TMEM135: variants seen among roughly 807,000 people sequenced by gnomAD.
The protein encoded by TMEM135 is transmembrane protein 135.
A neutral mutation model predicts 60.3 loss-of-function variants in TMEM135; 30 were observed. The ratio of observed to expected loss-of-function variants is 0.50; its 90% CI spans 0.37 to 0.68. TMEM135 has a LOEUF of 0.68. Ranked by LOEUF, TMEM135 falls within the 30% of genes least tolerant of loss-of-function variation. TMEM135 has a pLI of 0.00. For missense variants in TMEM135, 468 were observed against 548.8 expected, an observed-to-expected ratio of 0.85 and a Z score of 1.47; for synonymous variants, 190 against 186.7, an observed-to-expected ratio of 1.02 and a Z score of -0.14.
chr11:87,090,734 C>G (rs1443071764), intron 3 of TMEM135, among the ~76,000 whole-genome samples: 1 of 151,988 alleles, frequency 6.6e-6, no homozygotes, highest in Admixed American at 6.6e-5. Flanking sequence ...GACTTTCTAC[C>G]TGAATTTTTA....
intron 1 of TMEM135, among the ~76,000 whole-genome samples, chr11:87,055,593 CTTT>C (rs879320737): frequency 2.1e-5 from 3 of 144,342 alleles, no homozygotes; most frequent in African/African-American, 2.5e-5. Flanking sequence ...AGTTAAGCAT[CTTT>C]TTTTTTTTTT....
intron 5 of TMEM135, among the ~76,000 whole-genome samples, chr11:87,170,824 G>A (rs116698684): frequency 0.019 from 2,828 of 152,168 alleles, 82 homozygotes; most frequent in East Asian, 0.071. Flanking sequence ...TGCTGTGCTG[G>A]GCGATCCACT....
chr11:87,277,068 G>A, intron 6 of TMEM135: 1 of 152,690 alleles, frequency 6.5e-6, no homozygotes, highest in East Asian at 1.9e-4. Context: ...ATAAAATTTT[G>A]AAGGTTTCAA....
chr11:87,055,703 G>T (rs1194168052), intron 1 of TMEM135, among the ~76,000 whole-genome samples: 3 of 151,866 alleles, frequency 2.0e-5, no homozygotes. Context: ...TGAGTCTCCT[G>T]CCTCAGCCTC....
At chr11:87,174,198 C>G (rs77537510) in intron 5 of TMEM135, among the ~76,000 whole-genome samples, 2,993 of 152,102 alleles carry the variant, frequency 0.02, 87 homozygotes, top group East Asian at 0.071. Flanking sequence ...TTGATCCTGT[C>G]AAAGAAAATT....
chr11:87,163,276 G>A (rs555128523), intron 5 of TMEM135, among the ~76,000 whole-genome samples: 1 of 142,828 alleles, frequency 7.0e-6, no homozygotes, highest in African/African-American at 2.6e-5. Flanking sequence ...CTATGAGTGA[G>A]AATATGCGGT....
intron 6 of TMEM135, among the ~76,000 whole-genome samples, chr11:87,291,210 A>C (rs1043033738): frequency 1.3e-5 from 2 of 152,124 alleles, no homozygotes; most frequent in Non-Finnish European, 2.9e-5. Flanking sequence ...GTTAACACAC[A>C]TTTTAAACTT....
At chr11:87,136,142 A>G (rs1938090875) in intron 4 of TMEM135, among the ~76,000 whole-genome samples, 1 of 151,966 alleles carries the variant, frequency 6.6e-6, no homozygotes, top group African/African-American at 2.4e-5. Context: ...AGTATCCTCT[A>G]TATAGATGAA....
Position 87,295,769 on chromosome 11 carries a change from C to A in TMEM135, c.510-13C>A. The A allele has an allele frequency of 6.3e-7, 1 of 1,593,734 alleles. No individual in the cohort carries two copies. Among genetic ancestry groups the A allele is most frequent in the South Asian group, 1.1e-5 (1 of 87,274 alleles). ...ATATGTTATTTTATGATTGTAAATT[C>A]TTATTGTTTTAGGTGCAAGGATGGC... On this transcript the variant is annotated splice_polypyrimidine_tract_variant and intron_variant, in intron 6 of 14. Transcript: ENST00000305494.
At position 87,189,963 on chromosome 11, in the gene TMEM135, A is replaced by C. The variant is rs144609304; in HGVS notation, c.462+32557A>C. On this transcript the variant is annotated intron_variant, in intron 5 of 14. Coordinates refer to ENST00000305494, the MANE Select transcript of TMEM135 (RefSeq NM_022918.4). ...AATAAATAAATAAATAAAATACATA[A>C]AATAAAAAATCATTTGGAAAGGCCA... 2.0e-3 allele frequency among the ~76,000 whole-genome samples: 310 copies of C among 152,072 alleles called. 1 individual carries two copies. Among genetic ancestry groups the C allele is most frequent in the African/African-American group, 7.0e-3 (289 of 41,530 alleles).
intron 5 of TMEM135, among the ~76,000 whole-genome samples, chr11:87,222,069 C>G (rs773855871): frequency 3.3e-5 from 5 of 149,688 alleles, no homozygotes; most frequent in Non-Finnish European, 5.9e-5. Flanking sequence ...GTAATCCCAG[C>G]TACTCAGGAG....
intron 4 of TMEM135, among the ~76,000 whole-genome samples, chr11:87,097,486 T>C (rs1485338079): frequency 6.6e-6 from 1 of 152,226 alleles, no homozygotes; most frequent in Non-Finnish European, 1.5e-5. Context: ...AATCAGAATG[T>C]AAAATGATAG....
At chr11:87,295,338 T>C (rs1289603717) in intron 6 of TMEM135, among the ~76,000 whole-genome samples, 1 of 152,198 alleles carries the variant, frequency 6.6e-6, no homozygotes, top group Non-Finnish European at 1.5e-5. Context: ...CAACTGTATA[T>C]TATGAATACT....
At chr11:87,302,546 A>G in intron 8 of TMEM135, 104 bp downstream of exon 8, 4 of 1,396,446 alleles carry the variant, frequency 2.9e-6, no homozygotes, top group Non-Finnish European at 4.0e-6. Context: ...AATGATGATC[A>G]TTTTTCACCA....
At chr11:87,182,704 A>C (rs1331102890) in intron 5 of TMEM135, among the ~76,000 whole-genome samples, 2 of 152,004 alleles carry the variant, frequency 1.3e-5, no homozygotes, top group Non-Finnish European at 2.9e-5. Context: ...TCTCTAGAAA[A>C]TTTTTGTGTT....
At chr11:87,118,984 G>A (rs1857968421) in intron 4 of TMEM135, among the ~76,000 whole-genome samples, 1 of 152,160 alleles carries the variant, frequency 6.6e-6, no homozygotes, top group Non-Finnish European at 1.5e-5. Flanking sequence ...CTTTCTCTGT[G>A]TCAGCAATAA....
rs1290084551 is a variant in TMEM135, at chr11:87,252,771, C to CAA, written c.509+16101_509+16102dup. On this transcript the variant is annotated intron_variant, in intron 6 of 14. Transcript: ENST00000305494. ...GGGCAACAAGAGCAGAACTAAATCT[C>CAA]AAAAAAAAAAAAAAATTAAAATATA... is the stretch of plus-strand genomic sequence containing the variant. 6.2e-4 allele frequency among the ~76,000 whole-genome samples: 61 copies of CAA among 98,298 alleles called. 1 individual carries two copies. The highest frequency in any genetic ancestry group is 1.7e-3 in the African/African-American group (45 of 26,552). 64.5% of individuals were successfully genotyped at this position (98,298 alleles called of 152,430 possible). A position where few individuals can be genotyped will look rare whatever the true frequency, so the allele number is the denominator to read the frequency against.
chr11:87,256,864 TG>T (rs1855385836), intron 6 of TMEM135, among the ~76,000 whole-genome samples: 1 of 152,114 alleles, frequency 6.6e-6, no homozygotes, highest in Admixed American at 6.6e-5. Context: ...CTCCCTCCTT[TG>T]CCCCTTTCTT....
At chr11:87,066,702 C>G (rs925220411) in intron 1 of TMEM135, among the ~76,000 whole-genome samples, 2 of 151,048 alleles carry the variant, frequency 1.3e-5, no homozygotes, top group Non-Finnish European at 2.9e-5. Flanking sequence ...TAAACTTCTG[C>G]AGTCTTTTGT....
Sources: allele counts gnomAD v4.1 joint callset (sites outside exome capture counted in the v4.1 genomes callset), GRCh38; gene constraint gnomAD v4.1.1; transcripts MANE v1.5; gene names NCBI Gene and HGNC (gene_info 2026-07-23, HGNC 2026-07-21).